The following SSH2 variants were observed in gnomAD, a reference collection of about 807,000 sequenced individuals.
SSH2 encodes protein phosphatase Slingshot homolog 2.
In SSH2, 37 loss-of-function variants were observed where a neutral mutation model predicts 135.2. That is an observed-to-expected ratio of 0.27 (90% CI 0.21 to 0.36). SSH2 has a LOEUF of 0.36. Ranked by LOEUF, SSH2 falls within the 10% of genes least tolerant of loss-of-function variation. The probability of loss-of-function intolerance (pLI) is 1.00; values close to 1 mark genes in which losing one functional copy is unlikely to be tolerated. For missense variants in SSH2, 1,408 were observed against 1,765.3 expected (o/e 0.80, Z 3.63); for synonymous variants, 628 against 646.2 (o/e 0.97, Z 0.43).
intron 2 of SSH2, among the ~76,000 whole-genome samples, chr17:29,824,512 C>T (rs2042710138): frequency 1.3e-5 from 2 of 152,184 alleles, no homozygotes; most frequent in African/African-American, 2.4e-5. Context: ...TGAAGTGGAT[C>T]ACATGCTCAT....
In SSH2 at chr17:29,873,383, AC is replaced by A. The variant is rs550582234; in HGVS notation, c.64-24455del. Reference sequence around the variant, plus strand: ...AGACCAGTCTAGCCAACATGGCGAAACCCCATCTCTACTAAAAATACAAAAA... The same window carrying A: ...AGACCAGTCTAGCCAACATGGCGAAACCCATCTCTACTAAAAATACAAAAA... On this transcript the variant is annotated intron_variant, in intron 1 of 15. Coordinates refer to ENST00000540801, the MANE Select transcript of SSH2 (RefSeq NM_001282129.2). Among the ~76,000 whole-genome samples, 523 of 151,976 alleles carry A rather than the reference AC, an allele frequency of 3.4e-3. 1 individual carries two copies. The highest frequency in any genetic ancestry group is 0.01 in the Middle Eastern group (3 of 294).
chr17:29,730,261 G>C (rs1329422117), intron 3 of SSH2, among the ~76,000 whole-genome samples: 1 of 150,382 alleles, frequency 6.6e-6, no homozygotes, highest in Non-Finnish European at 1.5e-5. Context: ...GGTTGAAGCT[G>C]CAGTGAGCTC....
intron 2 of SSH2, among the ~76,000 whole-genome samples, chr17:29,842,683 T>C (rs2043063253): frequency 6.6e-6 from 1 of 152,202 alleles, no homozygotes; most frequent in Non-Finnish European, 1.5e-5. Flanking sequence ...CATCTTAACC[T>C]GGAACAAAAT....
At chr17:29,703,594 G>C (rs1227145971) in intron 3 of SSH2, among the ~76,000 whole-genome samples, 1 of 148,018 alleles carries the variant, frequency 6.8e-6, no homozygotes, top group Non-Finnish European at 1.5e-5. Flanking sequence ...CTTTTTTTTT[G>C]AGATGGAGTC....
rs572773796 is a variant in SSH2 at position 29,881,121 on chromosome 17, A to G, written c.64-32192T>C. Among the ~76,000 whole-genome samples the G allele has an allele frequency of 4.6e-5, 7 of 152,356 alleles. No individual in the cohort carries two copies. In the East Asian group the frequency reaches 1.2e-3, roughly 25 times the overall value. On this transcript the variant is annotated intron_variant, in intron 1 of 15. Transcript: ENST00000540801. Reference sequence around the variant, plus strand: ...TCTGTGTGCTCCTTATATATTCTAAATTGTGATTAATGTCTTCAAATACAA... The same window carrying G: ...TCTGTGTGCTCCTTATATATTCTAAGTTGTGATTAATGTCTTCAAATACAA...
At chr17:29,841,642 T>C (rs1326227628) in intron 2 of SSH2, among the ~76,000 whole-genome samples, 2 of 152,234 alleles carry the variant, frequency 1.3e-5, no homozygotes, top group African/African-American at 2.4e-5. Flanking sequence ...GGAATAGATG[T>C]TACAATGTTA....
At chr17:29,904,044 T>G (rs2066608735) in intron 1 of SSH2, among the ~76,000 whole-genome samples, 1 of 151,918 alleles carries the variant, frequency 6.6e-6, no homozygotes. Context: ...CAGGACCAGA[T>G]GGATTCACAG....
intron 5 of SSH2, among the ~76,000 whole-genome samples, chr17:29,690,903 T>C (rs1205128406): frequency 6.6e-6 from 1 of 151,816 alleles, no homozygotes; most frequent in Non-Finnish European, 1.5e-5. Flanking sequence ...AACAATGCTC[T>C]TCCTCTCACT....
intron 3 of SSH2, among the ~76,000 whole-genome samples, chr17:29,720,453 C>T (rs2039783818): frequency 6.6e-6 from 1 of 152,120 alleles, no homozygotes; most frequent in African/African-American, 2.4e-5. Flanking sequence ...TTAAAAGTTC[C>T]TCAAAGTTAC....
chr17:29,633,675 A>G (rs767481277), intron 15 of SSH2, among the ~76,000 whole-genome samples: 2 of 152,196 alleles, frequency 1.3e-5, no homozygotes, highest in Non-Finnish European at 2.9e-5. Context: ...ATATTTTACT[A>G]TTTTACCAGC....
At chr17:29,877,768 CAAA>C (rs200656149) in intron 1 of SSH2, among the ~76,000 whole-genome samples, 61,986 of 143,294 alleles carry the variant, frequency 0.43, 14,621 homozygotes, top group East Asian at 0.7. Flanking sequence ...TAATGGGTAC[CAAA>C]AAAAAAAAAA....
At chr17:29,715,371 G>A (rs1192217105) in intron 3 of SSH2, among the ~76,000 whole-genome samples, 1 of 151,448 alleles carries the variant, frequency 6.6e-6, no homozygotes, top group African/African-American at 2.4e-5. Context: ...TCAGCCTCCC[G>A]AATAGTTAGG....
At chr17:29,754,532 T>C (rs2041053661) in intron 3 of SSH2, among the ~76,000 whole-genome samples, 1 of 152,100 alleles carries the variant, frequency 6.6e-6, no homozygotes, top group South Asian at 2.1e-4. Context: ...AGTAAATAAA[T>C]AAAAATATTT....
At chr17:29,917,165 A>G (rs959406360) in intron 1 of SSH2, among the ~76,000 whole-genome samples, 1 of 152,194 alleles carries the variant, frequency 6.6e-6, no homozygotes, top group African/African-American at 2.4e-5. Context: ...TCTGGCTGCC[A>G]TGTCTTAGAT....
intron 2 of SSH2, among the ~76,000 whole-genome samples, chr17:29,821,648 A>ATT (rs778592320): frequency 3.2e-4 from 44 of 137,518 alleles, no homozygotes; most frequent in African/African-American, 4.8e-4. Context: ...AACCAAGTCT[A>ATT]TTTTTTTTTT....
intron 1 of SSH2, among the ~76,000 whole-genome samples, chr17:29,917,850 A>T (rs2066911015): frequency 6.6e-6 from 1 of 151,972 alleles, no homozygotes; most frequent in Admixed American, 6.6e-5. Context: ...GCAAGATTCC[A>T]TCTCAAAAAT....
At chr17:29,671,897 T>A in intron 9 of SSH2, 38 bp downstream of exon 9, 1 of 1,561,900 alleles carries the variant, frequency 6.4e-7, no homozygotes, top group Non-Finnish European at 8.8e-7. Context: ...CAGGACATAA[T>A]GGAGAGAACT....
At chr17:29,642,979 G>A in intron 14 of SSH2, 1 of 343,500 alleles carries the variant, frequency 2.9e-6, no homozygotes, top group Non-Finnish European at 4.1e-6. Context: ...GCCTCTTTGA[G>A]AAAACCACCA....
chr17:29,800,923 T>C (rs1490134046), intron 2 of SSH2, among the ~76,000 whole-genome samples: 1 of 151,498 alleles, frequency 6.6e-6, no homozygotes, highest in African/African-American at 2.4e-5. Context: ...TGGAGTGCAG[T>C]GGTGCGATCT....
Sources: gnomAD v4.1 joint callset for allele counts (sites outside exome capture counted in the v4.1 genomes callset) on GRCh38, gnomAD v4.1.1 for gene constraint, MANE v1.5 for transcripts, NCBI Gene and HGNC (gene_info 2026-07-23, HGNC 2026-07-21) for gene names.